MOBP: variants seen among roughly 807,000 people sequenced by gnomAD.
The protein encoded by MOBP is myelin-associated oligodendrocyte basic protein.
A neutral mutation model predicts 15.0 loss-of-function variants in MOBP; 5 were observed. That is an observed-to-expected ratio of 0.33 (90% CI 0.17 to 0.70). MOBP has a LOEUF of 0.70. Among genes scored for constraint, MOBP ranks in the 30% least tolerant of loss-of-function variants. The pLI is 0.67. For missense variants in MOBP, 188 were observed against 257.8 expected, an observed-to-expected ratio of 0.73 and a Z score of 1.85; for synonymous variants, 88 against 99.0, an observed-to-expected ratio of 0.89 and a Z score of 0.66.
downstream of MOBP, among the ~76,000 whole-genome samples, chr3:39,519,573 T>C (rs1274825170): frequency 1.3e-5 from 2 of 152,020 alleles, no homozygotes; most frequent in Non-Finnish European, 2.9e-5. Context: ...CCCTAACTTT[T>C]CATCTTTTTA....
chr3:39,480,961 G>A (rs985835557), intron 2 of MOBP, among the ~76,000 whole-genome samples: 1 of 152,094 alleles, frequency 6.6e-6, no homozygotes, highest in Non-Finnish European at 1.5e-5. Context: ...CTTTCACTAG[G>A]TGCTTCTAGT....
downstream of MOBP, among the ~76,000 whole-genome samples, chr3:39,504,959 C>T (rs1474950325): frequency 1.3e-5 from 2 of 152,194 alleles, no homozygotes; most frequent in Non-Finnish European, 2.9e-5. Flanking sequence ...TTAATAACTC[C>T]CTTGGATAGG....
At chr3:39,477,306 A>G (rs527969149) in intron 1 of MOBP, among the ~76,000 whole-genome samples, 10 of 152,136 alleles carry the variant, frequency 6.6e-5, no homozygotes, top group Non-Finnish European at 2.9e-5. Context: ...ACAGTCATGC[A>G]CTGCATAACA....
At chr3:39,527,503 G>C (rs117901112), downstream of MOBP, 2 of 145,750 alleles carry the variant, frequency 1.4e-5, no homozygotes, top group South Asian at 4.3e-4. Context: ...GCAATGGCAC[G>C]CAATCTCAGC....
intron 2 of MOBP, among the ~76,000 whole-genome samples, chr3:39,489,249 C>G (rs189428131): frequency 7.2e-4 from 110 of 152,308 alleles, no homozygotes; most frequent in African/African-American, 2.6e-3. Context: ...GCTATATTGT[C>G]TCCTAGCACC....
At chr3:39,501,305 G>A (rs1437275772) in intron 2 of MOBP, among the ~76,000 whole-genome samples, 1 of 152,204 alleles carries the variant, frequency 6.6e-6, no homozygotes, top group Non-Finnish European at 1.5e-5. Context: ...CATTAACTAA[G>A]TTGATTCCTG....
chr3:39,495,911 A>G (rs1553618400), intron 2 of MOBP, among the ~76,000 whole-genome samples: 1 of 151,888 alleles, frequency 6.6e-6, no homozygotes, highest in South Asian at 2.1e-4. Context: ...CTCAAAAAAA[A>G]TGAGAGAAGA....
chr3:39,495,501 C>T (rs983918352), intron 2 of MOBP, among the ~76,000 whole-genome samples: 5 of 151,022 alleles, frequency 3.3e-5, no homozygotes, highest in African/African-American at 1.2e-4. Context: ...AATTATAGGC[C>T]AGGCGTGGTG....
chr3:39,496,544 G>T (rs187083366), intron 2 of MOBP, among the ~76,000 whole-genome samples: 43 of 151,600 alleles, frequency 2.8e-4, no homozygotes, highest in Non-Finnish European at 3.5e-4. Context: ...TGTTGCCCAG[G>T]CTGGAGTGCA....
chr3:39,472,986 G>A (rs1394478728), intron 1 of MOBP, among the ~76,000 whole-genome samples: 1 of 152,182 alleles, frequency 6.6e-6, no homozygotes, highest in Non-Finnish European at 1.5e-5. Flanking sequence ...GAAGGGTTGG[G>A]AGGCCAGAGA....
At chr3:39,499,423 C>T (rs9854526) in intron 2 of MOBP, 6,166 of 152,504 alleles carry the variant, frequency 0.04, 452 homozygotes, top group African/African-American at 0.14. Flanking sequence ...GAGACTGCTA[C>T]TCATCCTACC....
chr3:39,475,964 C>A (rs2042539965), intron 1 of MOBP, among the ~76,000 whole-genome samples: 2 of 152,160 alleles, frequency 1.3e-5, no homozygotes, highest in African/African-American at 4.8e-5. Flanking sequence ...AAAGAAATAT[C>A]TGACACTGAG....
chr3:39,468,744 A>G lies in MOBP; in HGVS notation c.-89+1004A>G, dbSNP rs1433677291. 8.9e-5 allele frequency among the ~76,000 whole-genome samples: 7 copies of G among 78,326 alleles called. 1 individual carries two copies. Among genetic ancestry groups the G allele is most frequent in the South Asian group, 3.9e-4 (1 of 2,554 alleles). 51.4% of individuals were successfully genotyped at this position (78,326 alleles called of 152,430 possible). ...TATACATATATACATATGTGTGTGT[A>G]TATATACATATATACATGTGTGTGT... is the stretch of plus-strand genomic sequence containing the variant. On this transcript the variant is annotated intron_variant, in intron 1 of 3. Transcript: ENST00000684792.
chr3:39,508,541 A>G (rs1346585686), intron 4 of MOBP, among the ~76,000 whole-genome samples: 3 of 146,300 alleles, frequency 2.1e-5, no homozygotes, highest in Non-Finnish European at 4.5e-5. Flanking sequence ...CTTTTGAACC[A>G]TATTGTTGCA....
exon 5 of MOBP, chr3:39,515,776 G>A (rs879921451): frequency 1.3e-5 from 2 of 152,062 alleles, no homozygotes; most frequent in Non-Finnish European, 2.9e-5. Flanking sequence ...TTGAAAACTC[G>A]GTGCTGTTTC....
chr3:39,472,067 G>A (rs1470630123), intron 1 of MOBP, among the ~76,000 whole-genome samples: 1 of 152,212 alleles, frequency 6.6e-6, no homozygotes, highest in Non-Finnish European at 1.5e-5. Flanking sequence ...GCCTGGTAGA[G>A]ACAGAACTCT....
At chr3:39,476,252 C>T (rs2048129842) in intron 1 of MOBP, among the ~76,000 whole-genome samples, 1 of 152,182 alleles carries the variant, frequency 6.6e-6, no homozygotes, top group Non-Finnish European at 1.5e-5. Flanking sequence ...CCAATCGCCT[C>T]CCACCAGGGT....
At chr3:39,482,636 A>G (rs1182651642) in intron 2 of MOBP, among the ~76,000 whole-genome samples, 2 of 137,822 alleles carry the variant, frequency 1.5e-5, no homozygotes, top group Non-Finnish European at 3.1e-5. Flanking sequence ...TGGGCAACAG[A>G]GCGACACTCT....
intron 3 of MOBP, among the ~76,000 whole-genome samples, chr3:39,522,216 C>T (rs575124003): frequency 6.6e-6 from 1 of 152,248 alleles, no homozygotes; most frequent in East Asian, 1.9e-4. Context: ...CAAGTGAAGA[C>T]AAATTAAAAA....
Sources: gnomAD v4.1 joint callset for allele counts (sites outside exome capture counted in the v4.1 genomes callset) on GRCh38, gnomAD v4.1.1 for gene constraint, MANE v1.5 for transcripts, NCBI Gene and HGNC (gene_info 2026-07-23, HGNC 2026-07-21) for gene names.